BRINP3: variants seen among roughly 807,000 people sequenced by gnomAD.
BRINP3 encodes BMP/retinoic acid-inducible neural-specific protein 3.
A neutral mutation model predicts 71.0 loss-of-function variants in BRINP3; 19 were observed. The ratio of observed to expected loss-of-function variants is 0.27; its 90% CI spans 0.19 to 0.39. The LOEUF (loss-of-function observed/expected upper bound fraction) is 0.39, where lower values mean the gene tolerates loss of function less well. BRINP3 is among the 10% of genes least tolerant of loss of function. BRINP3 has a pLI of 1.00. For synonymous variants in BRINP3, 380 were observed against 337.7 expected (o/e 1.13, Z -1.37); for missense variants, 959 against 940.8 (o/e 1.02, Z -0.25).
intron 2 of BRINP3, among the ~76,000 whole-genome samples, chr1:190,332,962 C>G (rs1571773954): frequency 6.6e-6 from 1 of 151,550 alleles, no homozygotes; most frequent in Non-Finnish European, 1.5e-5. Flanking sequence ...AGCTTTATTT[C>G]ACATCTGTTT....
At chr1:190,283,540 C>T (rs1019223716) in intron 2 of BRINP3, among the ~76,000 whole-genome samples, 1 of 151,176 alleles carries the variant, frequency 6.6e-6, no homozygotes, top group Non-Finnish European at 1.5e-5. Context: ...CTTTCCAAAC[C>T]TAAGTTGATA....
intron 4 of BRINP3, among the ~76,000 whole-genome samples, chr1:190,263,300 C>T (rs769155270): frequency 6.6e-5 from 10 of 152,036 alleles, no homozygotes; most frequent in South Asian, 2.1e-4. Context: ...TTTATCTGTA[C>T]GGCATAAATA....
At chr1:190,265,968 A>G (rs375248452) in intron 3 of BRINP3, among the ~76,000 whole-genome samples, 6 of 152,296 alleles carry the variant, frequency 3.9e-5, no homozygotes, top group African/African-American at 1.4e-4. Context: ...TCTATGTAGG[A>G]TTTAGGTAGT....
Position 190,396,729 on chromosome 1 carries a change from T to TATAG in BRINP3, c.236+57925_236+57926insCTAT, listed in dbSNP as rs1671598327. On this transcript the variant is annotated intron_variant, in intron 2 of 7. Coordinates refer to ENST00000367462, the MANE Select transcript of BRINP3 (RefSeq NM_199051.3). ...TAATTTAATGATATATATATATATA[T>TATAG]ATATATATATGTAACTAACAGATTT... Among the ~76,000 whole-genome samples, 4 of 142,946 alleles carry TATAG rather than the reference T, an allele frequency of 2.8e-5. 1 individual carries two copies. In the South Asian group the frequency reaches 8.7e-4, roughly 31 times the overall value. The allele number at this position is 142,946 out of a possible 152,430, so 93.8% of individuals were successfully genotyped here.
chr1:190,376,286 T>G (rs1462470131), intron 2 of BRINP3, among the ~76,000 whole-genome samples: 1 of 152,014 alleles, frequency 6.6e-6, no homozygotes, highest in African/African-American at 2.4e-5. Context: ...TTCTAGAAAT[T>G]GCATCATATC....
At chr1:190,312,716 G>C (rs1665621676) in intron 2 of BRINP3, among the ~76,000 whole-genome samples, 1 of 151,736 alleles carries the variant, frequency 6.6e-6, no homozygotes, top group South Asian at 2.1e-4. Flanking sequence ...AAAATAGTAA[G>C]ACCAAATCTT....
intron 4 of BRINP3, among the ~76,000 whole-genome samples, chr1:190,257,972 C>T (rs937056086): frequency 6.6e-6 from 1 of 152,228 alleles, no homozygotes; most frequent in Non-Finnish European, 1.5e-5. Context: ...TCTGTCCATT[C>T]TCTGAGCTCA....
At chr1:190,335,226 C>T (rs566815830) in intron 2 of BRINP3, among the ~76,000 whole-genome samples, 8 of 151,876 alleles carry the variant, frequency 5.3e-5, no homozygotes, top group African/African-American at 1.7e-4. Context: ...AAATCAACAG[C>T]ATGAACTGAA....
intron 2 of BRINP3, among the ~76,000 whole-genome samples, chr1:190,300,611 A>C (rs923715609): frequency 4.0e-4 from 61 of 152,158 alleles, no homozygotes; most frequent in Middle Eastern, 6.8e-3. Context: ...TCAAGTGGGT[A>C]CCTGACCTCT....
intron 7 of BRINP3, among the ~76,000 whole-genome samples, chr1:190,146,687 G>A (rs986321332): frequency 1.3e-5 from 2 of 152,054 alleles, no homozygotes; most frequent in African/African-American, 4.8e-5. Context: ...CAGCAGTGTA[G>A]CCAGAGCACT....
At chr1:190,187,020 CAG>C (rs1343464442) in intron 6 of BRINP3, among the ~76,000 whole-genome samples, 1 of 152,002 alleles carries the variant, frequency 6.6e-6, no homozygotes, top group Admixed American at 6.6e-5. Flanking sequence ...AGTGAAAACG[CAG>C]AGTTTGTGTT....
intron 4 of BRINP3, among the ~76,000 whole-genome samples, chr1:190,239,219 G>A (rs1364007810): frequency 6.6e-6 from 1 of 152,096 alleles, no homozygotes; most frequent in Non-Finnish European, 1.5e-5. Flanking sequence ...AAGACACAGA[G>A]CCAAACCATA....
rs187831945 is a variant in BRINP3 at position 190,444,535 on chromosome 1, T to A, written c.236+10120A>T. Among the ~76,000 whole-genome samples the A allele has an allele frequency of 6.7e-3, 1,023 of 151,950 alleles. 9 individuals are homozygous for A. Among genetic ancestry groups the A allele is most frequent in the South Asian group, 0.022 (107 of 4,826 alleles). Reference sequence around the variant, plus strand: ...TTTATTTATTTATTTTTATTTATTTTTTTATTTATTTATTTTTTGAGACAG... The same window carrying A: ...TTTATTTATTTATTTTTATTTATTTATTTATTTATTTATTTTTTGAGACAG... On this transcript the variant is annotated intron_variant, in intron 2 of 7. Coordinates refer to ENST00000367462, the MANE Select transcript of BRINP3 (RefSeq NM_199051.3).
chr1:190,313,642 G>T (rs1477068874), intron 2 of BRINP3, among the ~76,000 whole-genome samples: 1 of 151,856 alleles, frequency 6.6e-6, no homozygotes, highest in Non-Finnish European at 1.5e-5. Flanking sequence ...AATAAGTTCT[G>T]GGCACTCTGA....
chr1:190,144,079 G>A (rs2102399587), intron 7 of BRINP3, among the ~76,000 whole-genome samples: 1 of 152,242 alleles, frequency 6.6e-6, no homozygotes, highest in East Asian at 1.9e-4. Context: ...TTCTTTAAGA[G>A]AGGCTGCAGA....
intron 2 of BRINP3, among the ~76,000 whole-genome samples, chr1:190,325,689 A>G (rs1666535766): frequency 1.3e-5 from 2 of 152,096 alleles, no homozygotes; most frequent in Admixed American, 6.6e-5. Context: ...AGACAGTTGT[A>G]TAATATGTCT....
intron 3 of BRINP3, among the ~76,000 whole-genome samples, chr1:190,274,801 GA>G (rs886155292): frequency 6.6e-6 from 1 of 151,178 alleles, no homozygotes; most frequent in African/African-American, 2.4e-5. Context: ...TATTGTGGGG[GA>G]AAAAAGTGTT....
At chr1:190,463,166 T>A (rs1294393604) in intron 1 of BRINP3, among the ~76,000 whole-genome samples, 2 of 151,868 alleles carry the variant, frequency 1.3e-5, no homozygotes, top group African/African-American at 2.4e-5. Context: ...GATTATTCAA[T>A]CTTATTATAA....
intron 2 of BRINP3, among the ~76,000 whole-genome samples, chr1:190,416,064 C>A (rs1381971799): frequency 2.6e-5 from 4 of 152,032 alleles, no homozygotes; most frequent in Non-Finnish European, 5.9e-5. Context: ...CCCTTGAATG[C>A]CTTTTAAGTT....
Sources: allele counts gnomAD v4.1 joint callset (sites outside exome capture counted in the v4.1 genomes callset), GRCh38; gene constraint gnomAD v4.1.1; transcripts MANE v1.5; gene names NCBI Gene and HGNC (gene_info 2026-07-23, HGNC 2026-07-21).